The following ZNF224 variants were observed in gnomAD, a reference collection of about 807,000 sequenced individuals.
ZNF224 encodes the protein bone marrow zinc finger 2.
In ZNF224, 8 loss-of-function variants were observed where a neutral mutation model predicts 10.5. That is an observed-to-expected ratio of 0.76 (90% CI 0.45 to 1.37). ZNF224 has a LOEUF of 1.37. ZNF224 is among the 40% of genes most tolerant of loss of function. The pLI is 0.00. For synonymous variants in ZNF224, 282 were observed against 287.8 expected (o/e 0.98, Z 0.20); for missense variants, 754 against 854.0 (o/e 0.88, Z 1.46).
chr19:44,107,044 A>C lies in ZNF224; in HGVS notation c.884A>C (p.Lys295Thr), dbSNP rs1480883478. The C allele has an allele frequency of 9.4e-6, 15 of 1,603,052 alleles. No homozygotes were observed. Among genetic ancestry groups the C allele is most frequent in the Non-Finnish European group, 1.0e-5 (12 of 1,173,854 alleles). Residue 295 changes from lysine (K) to threonine (T), a missense_variant, in exon 6 of 6, where the codon AAG becomes ACG. Physicochemically the swap from Lys to Thr is moderately conservative, Grantham distance 78. Coordinates refer to ENST00000693561, the MANE Select transcript of ZNF224 (RefSeq NM_001321645.3). ...CCATTCAAATGTGATATATGTGGTAAGAGCTTCTGTGGTAGATCAAGACTT... is the reference window on the plus strand; with the variant it reads ...CCATTCAAATGTGATATATGTGGTACGAGCTTCTGTGGTAGATCAAGACTT... ...EKPFKCDICG[K>T]SFCGRSRLNR...
intron 1 of ZNF224, chr19:44,095,191 T>G (rs942776043): frequency 1.3e-5 from 3 of 227,940 alleles, no homozygotes; most frequent in African/African-American, 6.9e-5. Flanking sequence ...ACCGAGATGC[T>G]CACCCCAACC....
At chr19:44,100,498 A>G (rs979347698) in intron 3 of ZNF224, among the ~76,000 whole-genome samples, 3 of 152,196 alleles carry the variant, frequency 2.0e-5, no homozygotes, top group Admixed American at 6.5e-5. Flanking sequence ...GATTTATCAA[A>G]ACATATATAT....
Position 44,108,281 on chromosome 19 carries a change from T to C in ZNF224, c.2121T>C (p.Pro707=), listed in dbSNP as rs1156428416. 6.2e-7 allele frequency: 1 copy of C among 1,605,190 alleles called. No homozygotes were observed. Among genetic ancestry groups the C allele is most frequent in the Admixed American group, 1.7e-5 (1 of 59,000 alleles). The stretch of plus-strand genomic sequence containing the variant: ...AGAATGTTCATGTTGGAGAAAAACC[T>C]TAGTGATGTGATGGTGCAATAAAGT... ...LHQNVHVGEK[P] Residue 707 remains proline, a synonymous_variant, in exon 6 of 6, where the codon CCT becomes CCC. Transcript: ENST00000693561.
At position 44,107,335 on chromosome 19, in the gene ZNF224, G is replaced by C. The variant is rs186635050; in HGVS notation, c.1175G>C (p.Arg392Pro). Residue 392 changes from arginine to proline, a missense_variant, in exon 6 of 6, where the codon CGA becomes CCA. Physicochemically the swap from Arg to Pro is moderately radical, Grantham distance 103. Transcript: ENST00000693561. ...RWASCLLKHQ[R>P]VHSGEKPFKC... ...GCCTCGTGTCTTTTGAAACATCAGC[G>C]AGTCCACAGTGGAGAAAAACCATTC... 6.3e-7 allele frequency: 1 copy of C among 1,588,928 alleles called. No individual in the cohort carries two copies. Among genetic ancestry groups the C allele is most frequent in the Non-Finnish European group, 8.6e-7 (1 of 1,169,194 alleles).
At chr19:44,098,326 C>G (rs938238941) in intron 3 of ZNF224, among the ~76,000 whole-genome samples, 6 of 152,192 alleles carry the variant, frequency 3.9e-5, no homozygotes, top group Non-Finnish European at 7.3e-5. Context: ...CTTTATACTT[C>G]CAGACACCAG....
Position 44,108,659 on chromosome 19 carries a change from C to G in ZNF224, c.*375C>G, listed in dbSNP as rs1019853773. 2.3e-5 allele frequency: 12 copies of G among 518,828 alleles called. No homozygotes were observed. The highest frequency in any genetic ancestry group is 1.7e-4 in the African/African-American group (9 of 52,190). 32.1% of individuals were successfully genotyped at this position (518,828 alleles called of 1,614,324 possible). A position where few individuals can be genotyped will look rare whatever the true frequency, so the allele number is the denominator to read the frequency against. On this transcript the variant is annotated 3_prime_UTR_variant, in exon 6 of 6. Coordinates refer to ENST00000693561, the MANE Select transcript of ZNF224 (RefSeq NM_001321645.3). ...TTTACCAGACTAATGGTGGACATGT[C>G]CAAATTGATGTCCACTAGAATGTAA...
At chr19:44,098,076 C>A (rs902117572) in intron 3 of ZNF224, among the ~76,000 whole-genome samples, 188 bp downstream of exon 3, 3 of 152,114 alleles carry the variant, frequency 2.0e-5, no homozygotes, top group African/African-American at 4.8e-5. Context: ...TTTCTTCTAT[C>A]ATTTATTCTA....
chr19:44,104,268 A>G (rs777392477), intron 5 of ZNF224, among the ~76,000 whole-genome samples: 6 of 152,196 alleles, frequency 3.9e-5, no homozygotes, highest in Non-Finnish European at 8.8e-5. Context: ...TTGTGTAGGA[A>G]TATTATGAAT....
chr19:44,101,740 C>T (rs1214506011), intron 5 of ZNF224, among the ~76,000 whole-genome samples: 1 of 152,178 alleles, frequency 6.6e-6, no homozygotes, highest in Non-Finnish European at 1.5e-5. Context: ...TGATACATCT[C>T]ACTGGGCAAT....
chr19:44,106,039 T>G, intron 5 of ZNF224: 1 of 210,522 alleles, frequency 4.8e-6, no homozygotes, highest in East Asian at 1.3e-4. Context: ...GTAGTGGGAT[T>G]GCTGGATCAA....
intron 5 of ZNF224, chr19:44,105,472 T>G (rs532097952): frequency 6.6e-6 from 1 of 152,324 alleles, no homozygotes; most frequent in African/African-American, 2.4e-5. Flanking sequence ...GTATAATGTT[T>G]GTATCATATT....
Position 44,107,175 on chromosome 19 carries a change from A to C in ZNF224, c.1015A>C (p.Thr339Pro). The C allele has an allele frequency of 1.9e-6, 3 of 1,606,660 alleles. No individual in the cohort carries two copies. The highest frequency in any genetic ancestry group is 1.7e-6 in the Non-Finnish European group (2 of 1,176,304). ...SALNSHRMIH[T>P]GEKPYKCEEC... The stretch of plus-strand genomic sequence containing the variant: ...ACTTAATAGTCATCGCATGATCCAC[A>C]CAGGAGAGAAACCATACAAATGTGA... Residue 339 changes from threonine to proline, a missense_variant, in exon 6 of 6, where the codon ACA (threonine) becomes CCA (proline). Physicochemically the swap from Thr to Pro is conservative, Grantham distance 38. Coordinates refer to ENST00000693561, the MANE Select transcript of ZNF224 (RefSeq NM_001321645.3).
chr19:44,108,445 C>T lies in ZNF224; in HGVS notation c.*161C>T. On this transcript the variant is annotated 3_prime_UTR_variant, in exon 6 of 6. Transcript: ENST00000693561. ...ATGCTGGTGATAAATTTCACCCATT[C>T]TTGGAAGAGGGAAAACATTTGTTTA... 1.3e-6 allele frequency: 1 copy of T among 786,750 alleles called. No individual in the cohort carries two copies. Among genetic ancestry groups the T allele is most frequent in the African/African-American group, 1.7e-5 (1 of 57,382 alleles). 48.7% of individuals were successfully genotyped at this position (786,750 alleles called of 1,614,324 possible). A position where few individuals can be genotyped will look rare whatever the true frequency, so the allele number is the denominator to read the frequency against.
rs572193063 is a variant in ZNF224, at chr19:44,100,778, A to G, written c.16-23A>G. ...AGGAATCATTGGTCATGAGACTGAG[A>G]TTGCATATGTTTGATGCTATAGGAG... On this transcript the variant is annotated intron_variant, in intron 3 of 5. Transcript: ENST00000693561. 52 of 1,609,694 alleles carry G rather than the reference A, an allele frequency of 3.2e-5. No individual in the cohort carries two copies. In the South Asian group the frequency reaches 5.6e-4, roughly 17 times the overall value.
rs772099684 is a variant in ZNF224, at chr19:44,106,468, T to C, written c.308T>C (p.Ile103Thr). 1 of 1,614,018 alleles carries C rather than the reference T, an allele frequency of 6.2e-7. No individual in the cohort carries two copies. Among genetic ancestry groups the C allele is most frequent in the African/African-American group, 1.3e-5 (1 of 74,930 alleles). The change falls in exon 6 of 6, where the codon ATC becomes ACC. Residue 103 changes from isoleucine (I) to threonine (T), a missense_variant. Physicochemically the swap from Ile to Thr is moderately conservative, Grantham distance 89 (BLOSUM62 -1). Coordinates refer to ENST00000693561, the MANE Select transcript of ZNF224 (RefSeq NM_001321645.3). ...GTHQEWSFQQ[I>T]WEKIASDLTR... The stretch of plus-strand genomic sequence containing the variant: ...CATCAAGAGTGGTCCTTCCAGCAAA[T>C]CTGGGAAAAAATTGCAAGTGATTTA...
At chr19:44,099,254 G>A (rs1967501292) in intron 3 of ZNF224, among the ~76,000 whole-genome samples, 1 of 152,102 alleles carries the variant, frequency 6.6e-6, no homozygotes, top group African/African-American at 2.4e-5. Flanking sequence ...ATGGCCCCCA[G>A]CACTTCAGGC....
In ZNF224 at chr19:44,107,502, C is replaced by G. The variant is rs369695391; in HGVS notation, c.1342C>G (p.Arg448Gly). The change falls in exon 6 of 6, where the codon CGC becomes GGC. Residue 448 changes from arginine to glycine, a missense_variant. Physicochemically the swap from Arg to Gly is moderately radical, Grantham distance 125 (BLOSUM62 -2). Transcript: ENST00000693561. ...GAGGTTGGATCTTGACTTTCACCAG[C>G]GCGTCCATACAGGAGAGAAACTGTA... ...KRRLDLDFHQRVHTGEKLYNC... is the reference protein window; with the variant it reads ...KRRLDLDFHQGVHTGEKLYNC... The G allele has an allele frequency of 2.2e-5, 36 of 1,600,528 alleles. No homozygotes were observed. Among genetic ancestry groups the G allele is most frequent in the Non-Finnish European group, 3.0e-5 (35 of 1,174,548 alleles).
chr19:44,098,334 C>G (rs1203366912), intron 3 of ZNF224, among the ~76,000 whole-genome samples: 1 of 152,074 alleles, frequency 6.6e-6, no homozygotes, highest in South Asian at 2.1e-4. Context: ...TTCCAGACAC[C>G]AGGAACTCAG....
At chr19:44,104,846 T>A (rs1428607271) in intron 5 of ZNF224, among the ~76,000 whole-genome samples, 1 of 152,156 alleles carries the variant, frequency 6.6e-6, no homozygotes, top group Non-Finnish European at 1.5e-5. Context: ...GTATTTTTAG[T>A]AGAGATGGTG....
Sources: gnomAD v4.1 joint callset for allele counts (sites outside exome capture counted in the v4.1 genomes callset) on GRCh38, gnomAD v4.1.1 for gene constraint, MANE v1.5 for transcripts, NCBI Gene and HGNC (gene_info 2026-07-23, HGNC 2026-07-21) for gene names.